GRM1: variants seen among roughly 807,000 people sequenced by gnomAD.
GRM1 encodes glutamate metabotropic receptor 1, also known as metabotropic glutamate receptor 1.
GRM1 carries 33 observed loss-of-function variants against 90.9 expected under a neutral mutation model. The ratio of observed to expected loss-of-function variants is 0.36; its 90% CI spans 0.28 to 0.49. The LOEUF is 0.49. Among genes scored for constraint, GRM1 ranks in the 20% least tolerant of loss-of-function variants. The probability of loss-of-function intolerance (pLI) is 0.99; values close to 1 mark genes in which losing one functional copy is unlikely to be tolerated. For missense variants in GRM1, 1,190 were observed against 1,534.3 expected (o/e 0.78, Z 3.75); for synonymous variants, 700 against 613.2 (o/e 1.14, Z -2.09).
At chr6:146,164,409 A>G (rs1300086771) in intron 2 of GRM1, among the ~76,000 whole-genome samples, 2 of 152,126 alleles carry the variant, frequency 1.3e-5, no homozygotes, top group African/African-American at 4.8e-5. Flanking sequence ...TGCCTAGCAC[A>G]GTGTTTTGGT....
At chr6:146,198,037 A>C (rs1250352496) in intron 2 of GRM1, among the ~76,000 whole-genome samples, 1 of 152,228 alleles carries the variant, frequency 6.6e-6, no homozygotes. Flanking sequence ...ATACAAGGAC[A>C]CTTGGGGAGG....
intron 2 of GRM1, among the ~76,000 whole-genome samples, chr6:146,215,528 T>G (rs1325903866): frequency 6.6e-6 from 1 of 152,158 alleles, no homozygotes; most frequent in Non-Finnish European, 1.5e-5. Flanking sequence ...CATCCTGATT[T>G]TTGTGCCCTT....
chr6:146,224,983 A>G (rs764961719), intron 2 of GRM1, among the ~76,000 whole-genome samples: 2 of 152,174 alleles, frequency 1.3e-5, no homozygotes, highest in South Asian at 4.2e-4. Context: ...AATACAGGAG[A>G]TGCATCCCCT....
At chr6:146,316,802 GA>G (rs1167265521) in intron 3 of GRM1, among the ~76,000 whole-genome samples, 1 of 152,098 alleles carries the variant, frequency 6.6e-6, no homozygotes, top group Non-Finnish European at 1.5e-5. Context: ...CTGTCTTTTT[GA>G]GGGCCAGGCG....
chr6:146,277,015 G>C (rs184100215), intron 2 of GRM1, among the ~76,000 whole-genome samples: 10 of 152,200 alleles, frequency 6.6e-5, no homozygotes, highest in Non-Finnish European at 1.3e-4. Context: ...GGCTGAGGTG[G>C]GAGAACAGCC....
At chr6:146,265,179 A>G (rs1274803949) in intron 2 of GRM1, among the ~76,000 whole-genome samples, 1 of 152,208 alleles carries the variant, frequency 6.6e-6, no homozygotes, top group Admixed American at 6.5e-5. Context: ...TTTTGCATGC[A>G]TCCTCACCAA....
At chr6:146,334,766 T>C (rs897192317) in intron 3 of GRM1, among the ~76,000 whole-genome samples, 1 of 152,178 alleles carries the variant, frequency 6.6e-6, no homozygotes, top group Non-Finnish European at 1.5e-5. Flanking sequence ...AAGCACCTGA[T>C]GGATCATCAT....
intron 7 of GRM1, among the ~76,000 whole-genome samples, chr6:146,431,861 A>T (rs566252490): frequency 6.6e-6 from 1 of 151,660 alleles, no homozygotes; most frequent in Admixed American, 6.6e-5. Context: ...TTGAATGCAT[A>T]AAAAAAACAA....
At chr6:146,254,943 A>G (rs1460854664) in intron 2 of GRM1, among the ~76,000 whole-genome samples, 1 of 152,234 alleles carries the variant, frequency 6.6e-6, no homozygotes, top group African/African-American at 2.4e-5. Flanking sequence ...TTTTAGTCAT[A>G]GTTTCCTGAA....
intron 5 of GRM1, among the ~76,000 whole-genome samples, chr6:146,385,593 G>A (rs958833335): frequency 1.2e-4 from 18 of 151,792 alleles, no homozygotes; most frequent in African/African-American, 4.1e-4. Context: ...AATTATACCA[G>A]GCCAAAATGT....
intron 7 of GRM1, among the ~76,000 whole-genome samples, chr6:146,415,624 T>A (rs1013136934): frequency 6.6e-6 from 1 of 152,190 alleles, no homozygotes; most frequent in Non-Finnish European, 1.5e-5. Flanking sequence ...AGTCTGAAAA[T>A]CAGGTAGTGT....
intron 1 of GRM1, among the ~76,000 whole-genome samples, chr6:146,150,967 C>CA (rs61541082): frequency 4.0e-5 from 6 of 149,878 alleles, no homozygotes; most frequent in African/African-American, 9.8e-5. Context: ...CACACACACA[C>CA]TACATTTTCT....
chr6:146,293,175 A>T (rs553968618), intron 2 of GRM1, among the ~76,000 whole-genome samples: 1 of 152,128 alleles, frequency 6.6e-6, no homozygotes, highest in African/African-American at 2.4e-5. Context: ...GGGTAATGAA[A>T]ATATTTTAGA....
intron 2 of GRM1, among the ~76,000 whole-genome samples, chr6:146,218,865 G>A (rs1262800310): frequency 6.6e-6 from 1 of 152,040 alleles, no homozygotes; most frequent in Admixed American, 6.6e-5. Context: ...ATAACACATC[G>A]TTGTGGAAAT....
intron 2 of GRM1, among the ~76,000 whole-genome samples, chr6:146,209,502 C>T (rs1172731759): frequency 6.6e-6 from 1 of 152,006 alleles, no homozygotes; most frequent in African/African-American, 2.4e-5. Context: ...GGCTGACAGT[C>T]CATGGTGGCT....
rs1790656062 is a variant in GRM1, at chr6:146,030,228, T to C, written c.700+11T>C. ...CAGTCCACACGGAAGGTAGGCATTA[T>C]ATTTGGGAAAGAAGGGTACTGAGAA... On this transcript the variant is annotated intron_variant, in intron 1 of 7. Coordinates refer to ENST00000282753, the MANE Select transcript of GRM1 (RefSeq NM_001278064.2). The C allele has an allele frequency of 3.2e-6, 5 of 1,581,386 alleles. No homozygotes were observed. In the Admixed American group the frequency reaches 6.7e-5, roughly 21 times the overall value.
At chr6:146,310,455 A>G (rs906971214) in intron 3 of GRM1, among the ~76,000 whole-genome samples, 2 of 152,028 alleles carry the variant, frequency 1.3e-5, no homozygotes, top group Admixed American at 1.3e-4. Flanking sequence ...GTCAATATGC[A>G]CTCCTGAAGA....
intron 3 of GRM1, among the ~76,000 whole-genome samples, chr6:146,320,426 CT>C (rs1365162906): frequency 6.6e-6 from 1 of 152,028 alleles, no homozygotes; most frequent in African/African-American, 2.4e-5. Context: ...CTGAAATTTT[CT>C]TTTTTTGTTG....
At chr6:146,420,592 C>T (rs962516052) in intron 7 of GRM1, among the ~76,000 whole-genome samples, 1 of 152,116 alleles carries the variant, frequency 6.6e-6, no homozygotes, top group Non-Finnish European at 1.5e-5. Flanking sequence ...AGTGTCTCAT[C>T]TGATATAAAA....
Sources: gnomAD v4.1 joint callset for allele counts (sites outside exome capture counted in the v4.1 genomes callset) on GRCh38, gnomAD v4.1.1 for gene constraint, MANE v1.5 for transcripts, NCBI Gene and HGNC (gene_info 2026-07-23, HGNC 2026-07-21) for gene names.